Variants in CDCA5 observed in about 807,000 individuals in gnomAD.
The protein encoded by CDCA5 is cell division cycle associated 5, also known as sororin.
Under a neutral mutation model 25.7 loss-of-function variants are expected in CDCA5, and 14 were observed. That is an observed-to-expected ratio of 0.54 (90% CI 0.36 to 0.85). The LOEUF is 0.85. Ranked by LOEUF, CDCA5 falls within the 40% of genes least tolerant of loss-of-function variation. CDCA5 has a pLI of 0.01. For synonymous variants in CDCA5, 127 were observed against 128.7 expected (o/e 0.99, Z 0.09); for missense variants, 307 against 324.5 (o/e 0.95, Z 0.41).
At chr11:65,062,109 A>G (rs1422291432), downstream of CDCA5, among the ~76,000 whole-genome samples, 1 of 151,804 alleles carries the variant, frequency 6.6e-6, no homozygotes, top group Admixed American at 6.6e-5. Flanking sequence ...TAGTAAAGAT[A>G]GGGTTTCTCC....
chr11:65,072,365 C>T (rs973301050), intron 1 of CDCA5, among the ~76,000 whole-genome samples: 1 of 152,184 alleles, frequency 6.6e-6, no homozygotes, highest in African/African-American at 2.4e-5. Context: ...GGTGAGCTAC[C>T]GGGCTGAGGA....
In CDCA5 at chr11:65,079,154, T is replaced by A; in HGVS notation, c.712A>T (p.Asn238Tyr). ...TGCTCAGCAGCTTCAAACTCGGCAT[T>A]CATGGCCGCAGCCCACTCATCCAGC... ...TELDEWAAAM[N>Y]AEFEAAEQFD... Residue 238 changes from asparagine to tyrosine, a missense_variant, in exon 6 of 6, where the codon AAT becomes TAT. By Grantham distance (143) the Asn-to-Tyr change is moderately radical (BLOSUM62 -2). Transcript: ENST00000275517. The A allele has an allele frequency of 6.6e-7, 1 of 1,522,306 alleles. No homozygotes were observed. The allele number at this position is 1,522,306 out of a possible 1,614,324, so 94.3% of individuals were successfully genotyped here.
At chr11:65,063,406 T>C (rs1015551602), downstream of CDCA5, among the ~76,000 whole-genome samples, 1 of 152,170 alleles carries the variant, frequency 6.6e-6, no homozygotes, top group African/African-American at 2.4e-5. Context: ...CAAAGCCAGT[T>C]TGGGGGCCAG....
downstream of CDCA5, chr11:65,066,320 T>C (rs1947234316): frequency 8.6e-7 from 1 of 1,159,848 alleles, no homozygotes; most frequent in African/African-American, 1.6e-5. Context: ...AGTTTATTTC[T>C]GGGATCTAGG....
chr11:65,065,231 G>T (rs1947221748), downstream of CDCA5, among the ~76,000 whole-genome samples: 2 of 152,096 alleles, frequency 1.3e-5, no homozygotes, highest in Admixed American at 1.3e-4. Context: ...AATGATTTCT[G>T]CCCAGTGAAT....
intron 3 of CDCA5, chr11:65,067,863 TG>T: frequency 1.2e-6 from 1 of 821,844 alleles, no homozygotes; most frequent in Non-Finnish European, 1.7e-6. Context: ...CAGGCCTCTC[TG>T]GGCCTCCTCT....
chr11:65,083,224 T>C, intron 4 of CDCA5, 140 bp downstream of exon 4: 1 of 859,600 alleles, frequency 1.2e-6, no homozygotes, highest in South Asian at 1.5e-5. Flanking sequence ...AGACTGGCAA[T>C]GCATGCAGGT....
At chr11:65,065,959 C>T (rs879863128), downstream of CDCA5, among the ~76,000 whole-genome samples, 20 of 152,146 alleles carry the variant, frequency 1.3e-4, no homozygotes, top group Admixed American at 9.2e-4. Flanking sequence ...ATCCCTCCCC[C>T]GCCTACACCC....
rs138907436 is a variant in CDCA5, at chr11:65,078,099, G to C, written c.*1008C>G. 22 of 985,462 alleles carry C rather than the reference G, an allele frequency of 2.2e-5. No homozygotes were observed. The East Asian group carries it at 1.8e-3, about 81-fold the overall frequency. The allele number at this position is 985,462 out of a possible 1,614,324, so 61.0% of individuals were successfully genotyped here. ...ACTAAAATTGCTATCAGCCCCCGCC[G>C]CTGTCTGGTACGCGAGGAAACTTTC... On this transcript the variant is annotated 3_prime_UTR_variant, in exon 6 of 6. Transcript: ENST00000275517.
chr11:65,079,890 A>AATTT, intron 4 of CDCA5, 103 bp from the exon 5 acceptor site: 1 of 776,956 alleles, frequency 1.3e-6, no homozygotes. Flanking sequence ...CAGGACACAC[A>AATTT]CTTTTTTTTT....
chr11:65,061,545 C>T (rs573746316), downstream of CDCA5, among the ~76,000 whole-genome samples: 1 of 152,168 alleles, frequency 6.6e-6, no homozygotes, highest in Admixed American at 6.5e-5. Context: ...GAGGCGGAGA[C>T]GTGCGGATCA....
chr11:65,074,442 G>C (rs904026303), downstream of CDCA5, among the ~76,000 whole-genome samples: 5 of 152,168 alleles, frequency 3.3e-5, no homozygotes, highest in Non-Finnish European at 7.3e-5. Flanking sequence ...CCATTCAGCT[G>C]CTGGTAGACA....
At chr11:65,075,670 A>G (rs982136727), downstream of CDCA5, among the ~76,000 whole-genome samples, 26 of 152,210 alleles carry the variant, frequency 1.7e-4, no homozygotes, top group Admixed American at 1.3e-4. Context: ...GGCACAGAGA[A>G]CACAGGAGTA....
chr11:65,078,361 T>G lies in CDCA5; in HGVS notation c.*746A>C, dbSNP rs1308234638. The G allele has an allele frequency of 1.0e-6, 1 of 985,632 alleles. No individual in the cohort carries two copies. Among genetic ancestry groups the G allele is most frequent in the African/African-American group, 1.7e-5 (1 of 57,242 alleles). The allele number at this position is 985,632 out of a possible 1,614,324, so 61.1% of individuals were successfully genotyped here. On this transcript the variant is annotated 3_prime_UTR_variant, in exon 6 of 6. Coordinates refer to ENST00000275517, the MANE Select transcript of CDCA5 (RefSeq NM_080668.4). ...CTCACAGCACCTGGTGGCCACACCCTGAAATGCACCCTTTGCTCCAAGCAG... is the reference window on the plus strand; with the variant it reads ...CTCACAGCACCTGGTGGCCACACCCGGAAATGCACCCTTTGCTCCAAGCAG...
chr11:65,070,221 G>T (rs1565270111), intron 1 of CDCA5, among the ~76,000 whole-genome samples: 5 of 152,218 alleles, frequency 3.3e-5, no homozygotes, highest in Admixed American at 6.5e-5. Context: ...AGTTCAGAGG[G>T]TGAGTGGAAG....
In CDCA5 at chr11:65,083,948, C is replaced by T. The variant is rs1947634766; in HGVS notation, c.31G>A (p.Ala11Thr). 1.2e-6 allele frequency: 2 copies of T among 1,607,084 alleles called. No homozygotes were observed. The highest frequency in any genetic ancestry group is 1.7e-6 in the Non-Finnish European group (2 of 1,178,782). The change falls in exon 1 of 6, where the codon GCC becomes ACC. Residue 11 changes from alanine to threonine, a missense_variant. Transcript: ENST00000275517. The part of the protein sequence containing the change: MSGRRTRSGG[A>T]AQRSGPRAPS... Reference sequence around the variant, plus strand: ...CTCCGCTCACCGGAGCGCTGAGCGGCTCCTCCGGACCGCGTTCGCCTCCCA... The same window carrying T: ...CTCCGCTCACCGGAGCGCTGAGCGGTTCCTCCGGACCGCGTTCGCCTCCCA...
At chr11:65,073,193 C>T (rs1947374759), downstream of CDCA5, among the ~76,000 whole-genome samples, 1 of 152,072 alleles carries the variant, frequency 6.6e-6, no homozygotes, top group Non-Finnish European at 1.5e-5. Context: ...AATCCAACCA[C>T]CTCAGCCTCC....
At chr11:65,076,800 T>C (rs549204253), downstream of CDCA5, among the ~76,000 whole-genome samples, 1 of 152,320 alleles carries the variant, frequency 6.6e-6, no homozygotes, top group African/African-American at 2.4e-5. Context: ...GTCTGGACCA[T>C]GGAGTGAGCA....
chr11:65,083,228 T>C (rs771084735), intron 4 of CDCA5, 136 bp downstream of exon 4: 18 of 912,196 alleles, frequency 2.0e-5, no homozygotes, highest in Middle Eastern at 6.5e-4. Context: ...TGGCAATGCA[T>C]GCAGGTGCCC....
Sources: allele counts gnomAD v4.1 joint callset (sites outside exome capture counted in the v4.1 genomes callset), GRCh38; gene constraint gnomAD v4.1.1; transcripts MANE v1.5; gene names NCBI Gene and HGNC (gene_info 2026-07-23, HGNC 2026-07-21).